Variants in CAPN8 observed in about 807,000 individuals in gnomAD.
CAPN8 encodes the protein calpain-8.
Under a neutral mutation model 80.9 loss-of-function variants are expected in CAPN8, and 87 were observed. The observed-to-expected ratio is 1.07, with a 90% confidence interval of 0.90 to 1.28. The LOEUF (loss-of-function observed/expected upper bound fraction) is 1.28. Ranked by LOEUF, CAPN8 falls within the 50% of genes most tolerant of loss-of-function variation. The pLI is 0.00. For synonymous variants in CAPN8, 299 were observed against 273.8 expected (o/e 1.09, Z -0.91); for missense variants, 757 against 702.0 (o/e 1.08, Z -0.89).
intron 1 of CAPN8, among the ~76,000 whole-genome samples, chr1:223,656,681 G>GT (rs1216588980): frequency 5.9e-5 from 5 of 85,032 alleles, no homozygotes; most frequent in African/African-American, 1.9e-4. Flanking sequence ...TTTTTGTTTT[G>GT]TTTTTTTTTT....
chr1:223,618,966 G>A (rs1280613443), intron 9 of CAPN8, among the ~76,000 whole-genome samples: 1 of 152,208 alleles, frequency 6.6e-6, no homozygotes, highest in Non-Finnish European at 1.5e-5. Flanking sequence ...AAGGTGGGTG[G>A]ATCACTTGAG....
chr1:223,665,503 G>T lies in CAPN8; in HGVS notation c.144C>A (p.Asp48Glu). 6.4e-7 allele frequency: 1 copy of T among 1,551,806 alleles called. No homozygotes were observed. The highest frequency in any genetic ancestry group is 8.7e-7 in the Non-Finnish European group (1 of 1,147,020). Residue 48 changes from aspartate to glutamate, a missense_variant, in exon 1 of 21, where the codon GAC becomes GAA. By Grantham distance (45) the Asp-to-Glu change is conservative. Transcript: ENST00000366872. The part of the protein sequence containing the change: ...QCLDSGVLFK[D>E]PEFPACPSAL... ...CTGATGGACATGCTGGGAACTCAGG[G>T]TCCTTAAATAGGACCCCTGAGTCCA...
At chr1:223,644,214 T>C in intron 2 of CAPN8, 1 of 375,330 alleles carries the variant, frequency 2.7e-6, no homozygotes, top group South Asian at 2.5e-5. Flanking sequence ...CATCAACTAA[T>C]ACAAGGTTCA....
rs79075255 is a variant in CAPN8, at chr1:223,619,393, C to T, written c.1035G>A (p.Pro345=). The stretch of plus-strand genomic sequence containing the variant: ...GCACCTCCTCGCTACTCAGAGAGTC[C>T]GGGGACAGGTTGCAGATCTCCAACC... ...FSRLEICNLS[P]DSLSSEEVHK... is the part of the protein sequence containing the mutation. Residue 345 remains proline, a synonymous_variant, in exon 9 of 21, where the codon CCG becomes CCA. Coordinates refer to ENST00000366872, the MANE Select transcript of CAPN8 (RefSeq NM_001143962.2). 4.8e-4 allele frequency: 750 copies of T among 1,551,612 alleles called. 10 individuals are homozygous for T. In the East Asian group the frequency reaches 0.016, roughly 33 times the overall value.
chr1:223,661,026 A>G (rs1172757654), intron 1 of CAPN8, among the ~76,000 whole-genome samples: 13 of 151,786 alleles, frequency 8.6e-5, no homozygotes, highest in Admixed American at 6.6e-4. Context: ...AAATTAGCCA[A>G]TTGGTGGCAG....
At position 223,625,855 on chromosome 1, in the gene CAPN8, T is replaced by C. The variant is rs1196069012; in HGVS notation, c.763A>G (p.Ser255Gly). ...GCATGACTCTTAACCAGCTTCTGGC[T>C]GGTGATGGCTTCGGCTTCGGCTGCA... ...SSAAEAEAIT[S>G]QKLVKSHAYS... The change falls in exon 6 of 21, where the codon AGC becomes GGC. Residue 255 changes from serine to glycine, a missense_variant. Physicochemically the swap from Ser to Gly is moderately conservative, Grantham distance 56 (BLOSUM62 0). Transcript: ENST00000366872. 6.6e-5 allele frequency: 103 copies of C among 1,551,510 alleles called. No individual in the cohort carries two copies. Among genetic ancestry groups the C allele is most frequent in the Non-Finnish European group, 9.0e-5 (103 of 1,146,870 alleles).
At chr1:223,648,567 C>G (rs1259088956) in intron 2 of CAPN8, among the ~76,000 whole-genome samples, 1 of 152,176 alleles carries the variant, frequency 6.6e-6, no homozygotes, top group Non-Finnish European at 1.5e-5. Flanking sequence ...TTCCAGGAGC[C>G]CAGGCCTCGC....
chr1:223,646,958 C>T lies in CAPN8; in HGVS notation c.307+7372G>A, dbSNP rs189374562. Among the ~76,000 whole-genome samples, 836 of 152,292 alleles carry T rather than the reference C, an allele frequency of 5.5e-3. 5 individuals carry two copies. Among genetic ancestry groups the T allele is most frequent in the South Asian group, 0.026 (124 of 4,830 alleles). ...TAGGACTTGATCTTCAGACCCAAACCTCAGGCAGCTCAGCCAAGCGGGAGC... is the reference window on the plus strand; with the variant it reads ...TAGGACTTGATCTTCAGACCCAAACTTCAGGCAGCTCAGCCAAGCGGGAGC... On this transcript the variant is annotated intron_variant, in intron 2 of 20. Transcript: ENST00000366872.
chr1:223,659,611 A>G (rs553807465), intron 1 of CAPN8, among the ~76,000 whole-genome samples: 4 of 152,226 alleles, frequency 2.6e-5, no homozygotes, highest in Admixed American at 1.3e-4. Flanking sequence ...ACCTGCCCCA[A>G]TGTCACTGTC....
chr1:223,611,201 G>A (rs951428052), intron 11 of CAPN8, among the ~76,000 whole-genome samples: 13 of 152,148 alleles, frequency 8.5e-5, no homozygotes, highest in African/African-American at 2.9e-4. Flanking sequence ...TTATTTTCCA[G>A]TAGTAATGAG....
rs188919646 is a variant in CAPN8, at chr1:223,551,241, C to A, written c.1642-224G>T. On this transcript the variant is annotated intron_variant, in intron 14 of 20. Coordinates refer to ENST00000366872, the MANE Select transcript of CAPN8 (RefSeq NM_001143962.2). ...CACTGCAACCTCCATTTCCCAGGCT[C>A]AAGCAATTCTCCTGCCTCAGCCTCC... is the stretch of plus-strand genomic sequence containing the variant. Among the ~76,000 whole-genome samples, 489 of 152,298 alleles carry A rather than the reference C, an allele frequency of 3.2e-3. 3 individuals are homozygous for A. Among genetic ancestry groups the A allele is most frequent in the African/African-American group, 0.011 (452 of 41,570 alleles).
rs1412729219 is a variant in CAPN8, at chr1:223,619,452, T to C, written c.976A>G (p.Met326Val). ...DKKVEDGEFWMSLSDFVRQFS... is the reference protein window; with the variant it reads ...DKKVEDGEFWVSLSDFVRQFS... ...TGCCTCACGAAATCTGAAAGTGACA[T>C]CCTGGGGCAGAGGCACCAGAGGGCT... The change falls in exon 9 of 21, where the codon ATG (methionine) becomes GTG (valine). Residue 326 changes from methionine (M) to valine (V), a missense_variant and splice_region_variant. Transcript: ENST00000366872. The C allele has an allele frequency of 6.4e-7, 1 of 1,551,388 alleles. No homozygotes were observed. The highest frequency in any genetic ancestry group is 2.0e-5 in the Admixed American group (1 of 50,980).
At chr1:223,643,431 G>A (rs574052376) in intron 2 of CAPN8, among the ~76,000 whole-genome samples, 4 of 152,336 alleles carry the variant, frequency 2.6e-5, no homozygotes, top group African/African-American at 9.6e-5. Context: ...ATACTGACAT[G>A]AGGTGAACTG....
At position 223,544,158 on chromosome 1, in the gene CAPN8, C is replaced by T; in HGVS notation, c.1938G>A (p.Gln646=). ...KAGFTLNSQV[Q]QTIALRYACS... is the part of the protein sequence containing the mutation. ...ACGCATACCGCAGGGCAATGGTCTG[C>T]TGCACCTGGCTGTTGAGGGTGAAAC... The change falls in exon 19 of 21, where the codon CAG becomes CAA. Residue 646 remains glutamine (Q), a synonymous_variant. Coordinates refer to ENST00000366872, the MANE Select transcript of CAPN8 (RefSeq NM_001143962.2). The T allele has an allele frequency of 1.4e-6, 1 of 718,182 alleles. No individual in the cohort carries two copies. 44.5% of individuals were successfully genotyped at this position (718,182 alleles called of 1,614,324 possible).
At chr1:223,632,218 G>A (rs1657791948) in intron 2 of CAPN8, among the ~76,000 whole-genome samples, 1 of 152,180 alleles carries the variant, frequency 6.6e-6, no homozygotes, top group Non-Finnish European at 1.5e-5. Flanking sequence ...TGAATGGATT[G>A]TCATGACGAG....
rs940321532 is a variant in CAPN8, at chr1:223,543,024, G to A, written c.2088+84C>T. ...CACATGGAACTAAGACAGCCAACAG[G>A]AATAAGCATCACTTGGCAGCTACAT... On this transcript the variant is annotated intron_variant, in intron 20 of 20. Transcript: ENST00000366872. 2.1e-6 allele frequency: 3 copies of A among 1,452,964 alleles called. No individual in the cohort carries two copies. In the East Asian group the frequency reaches 7.4e-5, roughly 36 times the overall value. The allele number at this position is 1,452,964 out of a possible 1,614,324, so 90.0% of individuals were successfully genotyped here. A position where few individuals can be genotyped will look rare whatever the true frequency, so the allele number is the denominator to read the frequency against.
intron 1 of CAPN8, among the ~76,000 whole-genome samples, chr1:223,662,886 G>C (rs1658684744): frequency 6.6e-6 from 1 of 152,154 alleles, no homozygotes; most frequent in African/African-American, 2.4e-5. Flanking sequence ...TGATTCAGGA[G>C]TCTATTCAAT....
chr1:223,658,927 A>T (rs1388747844), intron 1 of CAPN8, among the ~76,000 whole-genome samples: 1 of 152,244 alleles, frequency 6.6e-6, no homozygotes, highest in African/African-American at 2.4e-5. Flanking sequence ...CAGATCAGAG[A>T]TACAAAGTAA....
chr1:223,543,435 A>C (rs1019316565), intron 19 of CAPN8, among the ~76,000 whole-genome samples: 1 of 152,206 alleles, frequency 6.6e-6, no homozygotes, highest in African/African-American at 2.4e-5. Flanking sequence ...CTCCATCCTC[A>C]GAAGCTTTAT....
Sources: allele counts gnomAD v4.1 joint callset (sites outside exome capture counted in the v4.1 genomes callset), GRCh38; gene constraint gnomAD v4.1.1; transcripts MANE v1.5; gene names NCBI Gene and HGNC (gene_info 2026-07-23, HGNC 2026-07-21).